The following PRKN variants were observed in gnomAD, a reference collection of about 807,000 sequenced individuals.
PRKN encodes the protein E3 ubiquitin-protein ligase parkin.
A neutral mutation model predicts 59.5 loss-of-function variants in PRKN; 56 were observed. The ratio of observed to expected loss-of-function variants is 0.94; its 90% confidence interval spans 0.76 to 1.18. PRKN has a LOEUF of 1.18. Ranked by LOEUF, PRKN falls within the 50% of genes most tolerant of loss-of-function variation. The pLI is 0.00. For missense variants in PRKN, 657 were observed against 596.4 expected, an observed-to-expected ratio of 1.10 and a Z score of -1.06; for synonymous variants, 250 against 222.1, an observed-to-expected ratio of 1.13 and a Z score of -1.12.
At chr6:161,627,460 T>C (rs1783131528) in intron 7 of PRKN, among the ~76,000 whole-genome samples, 1 of 152,174 alleles carries the variant, frequency 6.6e-6, no homozygotes, top group Non-Finnish European at 1.5e-5. Flanking sequence ...TTAAAAACAG[T>C]GTTTACTATA....
intron 7 of PRKN, among the ~76,000 whole-genome samples, chr6:161,781,449 A>C (rs1315299255): frequency 6.6e-6 from 1 of 152,192 alleles, no homozygotes; most frequent in Non-Finnish European, 1.5e-5. Flanking sequence ...TAAGATTCTG[A>C]GGATGGCATT....
chr6:161,710,812 C>T (rs1310146041), intron 7 of PRKN, among the ~76,000 whole-genome samples: 1 of 147,322 alleles, frequency 6.8e-6, no homozygotes, highest in Non-Finnish European at 1.5e-5. Flanking sequence ...TTCCTTCCCT[C>T]CCTCCCTCTT....
chr6:161,906,856 G>A (rs1778169766), intron 6 of PRKN, among the ~76,000 whole-genome samples: 1 of 151,886 alleles, frequency 6.6e-6, no homozygotes, highest in Non-Finnish European at 1.5e-5. Flanking sequence ...ATGCCAGAAA[G>A]TTTCCAGCAC....
Position 161,883,799 on chromosome 6 carries a change from C to T in PRKN, c.734+89503G>A, listed in dbSNP as rs143090670. Among the ~76,000 whole-genome samples the T allele has an allele frequency of 7.4e-3, 1,117 of 151,932 alleles. 9 individuals are homozygous for T. Among genetic ancestry groups the T allele is most frequent in the African/African-American group, 0.025 (1,033 of 41,436 alleles). ...TCCCAAGTAGCTGGGATTACAGCCG[C>T]GCGCCACCACGCCCAGCCAATTTTT... On this transcript the variant is annotated intron_variant, in intron 6 of 11. Coordinates refer to ENST00000366898, the MANE Select transcript of PRKN (RefSeq NM_004562.3).
At chr6:161,784,105 T>C (rs931330780) in intron 7 of PRKN, among the ~76,000 whole-genome samples, 4 of 152,282 alleles carry the variant, frequency 2.6e-5, no homozygotes, top group African/African-American at 9.6e-5. Context: ...CATTTATACA[T>C]AGAGAGAGAT....
intron 6 of PRKN, among the ~76,000 whole-genome samples, chr6:161,825,179 A>G (rs1360372108): frequency 6.6e-6 from 1 of 152,128 alleles, no homozygotes; most frequent in Non-Finnish European, 1.5e-5. Context: ...GAGGCATATG[A>G]CCAAAAATCA....
At chr6:161,976,579 A>C (rs924176848) in intron 5 of PRKN, among the ~76,000 whole-genome samples, 2 of 152,214 alleles carry the variant, frequency 1.3e-5, no homozygotes, top group Admixed American at 6.5e-5. Flanking sequence ...AATCTTTTGA[A>C]ATGTGACAAA....
chr6:162,124,707 T>A (rs1488829411), intron 4 of PRKN, among the ~76,000 whole-genome samples: 1 of 152,058 alleles, frequency 6.6e-6, no homozygotes, highest in Non-Finnish European at 1.5e-5. Context: ...GCCACGGGAT[T>A]AAAAATAAAG....
At chr6:162,241,568 T>A (rs1192544110) in intron 3 of PRKN, among the ~76,000 whole-genome samples, 1 of 152,112 alleles carries the variant, frequency 6.6e-6, no homozygotes, top group Non-Finnish European at 1.5e-5. Flanking sequence ...TTGATAGGCA[T>A]GATTTGGTGG....
At chr6:161,350,286 C>T (rs1582953639) in intron 11 of PRKN, 75 bp from the exon 12 acceptor site, 3 of 947,220 alleles carry the variant, frequency 3.2e-6, no homozygotes, top group Admixed American at 2.0e-5. Flanking sequence ...CAAACCAGCA[C>T]GCTAGCCTAG....
intron 6 of PRKN, among the ~76,000 whole-genome samples, chr6:161,818,908 G>A (rs1007469069): frequency 1.1e-4 from 17 of 152,210 alleles, no homozygotes; most frequent in South Asian, 2.1e-4. Context: ...GGAGCCAGAC[G>A]GAGTCAGTGG....
chr6:161,864,124 T>A (rs981230035), intron 6 of PRKN, among the ~76,000 whole-genome samples: 2 of 152,158 alleles, frequency 1.3e-5, no homozygotes, highest in Non-Finnish European at 2.9e-5. Context: ...GGCCCCATCA[T>A]TTGACTCCTC....
rs1331812034 is a variant in PRKN, at chr6:161,454,832, C to T, written c.1084-67955G>A. Among the ~76,000 whole-genome samples the T allele has an allele frequency of 1.3e-5, 2 of 152,166 alleles. No individual in the cohort carries two copies. Among genetic ancestry groups the T allele is most frequent in the East Asian group, 1.9e-4 (1 of 5,192 alleles). On this transcript the variant is annotated intron_variant, in intron 9 of 11. Coordinates refer to ENST00000366898, the MANE Select transcript of PRKN (RefSeq NM_004562.3). The surrounding 1 kb of genome is among the most constrained non-coding windows in gnomAD (Gnocchi z 4.6). ...GGTCACTGCTGAGACATCACCTCTC[C>T]AGTAAAACCATCTAGCCTGTCTAAA...
intron 2 of PRKN, chr6:162,263,248 A>G (rs1779975055): frequency 4.8e-6 from 1 of 209,510 alleles, no homozygotes; most frequent in Admixed American, 5.3e-5. Flanking sequence ...CCTGGCTACG[A>G]AAAATATTCT....
At chr6:161,368,382 G>GAGATATATATATATATATAT (rs1401312451) in intron 10 of PRKN, among the ~76,000 whole-genome samples, 1 of 99,328 alleles carries the variant, frequency 1.0e-5, no homozygotes, top group African/African-American at 4.0e-5. Context: ...CCTCAGTCTT[G>GAGATATATATATATATATAT]ATATATATAT....
intron 1 of PRKN, among the ~76,000 whole-genome samples, chr6:162,492,629 C>T (rs1396957995): frequency 6.6e-6 from 1 of 151,872 alleles, no homozygotes; most frequent in East Asian, 1.9e-4. Context: ...CATGGTGAAA[C>T]CCCCTCTCTA....
intron 1 of PRKN, among the ~76,000 whole-genome samples, chr6:162,585,258 T>C (rs1780996717): frequency 2.0e-5 from 3 of 152,060 alleles, no homozygotes; most frequent in Admixed American, 2.0e-4. Flanking sequence ...GTAAGTACTT[T>C]TAACTCTAAA....
At chr6:161,398,172 C>T (rs1786855135) in intron 9 of PRKN, among the ~76,000 whole-genome samples, 1 of 151,992 alleles carries the variant, frequency 6.6e-6, no homozygotes, top group South Asian at 2.1e-4. Flanking sequence ...ACACCCATGC[C>T]CTTGGTCTTC....
intron 6 of PRKN, among the ~76,000 whole-genome samples, chr6:161,911,045 G>A (rs1583334750): frequency 6.6e-6 from 1 of 152,188 alleles, no homozygotes; most frequent in African/African-American, 2.4e-5. Context: ...CTTCGTGAGG[G>A]TGGTCTGTAA....
Sources: gnomAD v4.1 joint callset for allele counts (sites outside exome capture counted in the v4.1 genomes callset) on GRCh38, gnomAD v4.1.1 for gene constraint, Gnocchi (gnomAD v3.1) non-coding constraint, MANE v1.5 for transcripts, NCBI Gene and HGNC (gene_info 2026-07-23, HGNC 2026-07-21) for gene names.